The following FAR1 variants were observed in gnomAD, a reference collection of about 807,000 sequenced individuals.
FAR1 encodes male sterility domain-containing protein 2.
FAR1 carries 22 observed loss-of-function variants against 61.1 expected under a neutral mutation model. The observed-to-expected ratio is 0.36, with a 90% CI of 0.26 to 0.51. The LOEUF is 0.51. Among genes scored for constraint, FAR1 ranks in the 20% least tolerant of loss-of-function variants. The pLI is 0.95. For synonymous variants in FAR1, 206 were observed against 209.7 expected, an observed-to-expected ratio of 0.98 and a Z score of 0.15; for missense variants, 359 against 626.9, an observed-to-expected ratio of 0.57 and a Z score of 4.56.
intron 8 of FAR1, 39 bp from the exon 9 acceptor site, chr11:13,714,469 TG>T: frequency 2.6e-6 from 4 of 1,530,438 alleles, no homozygotes; most frequent in Non-Finnish European, 3.5e-6. Context: ...CTTCATTACA[TG>T]GTTATTATCA....
intron 9 of FAR1, chr11:13,720,353 G>A (rs1256832508): frequency 6.6e-6 from 1 of 152,050 alleles, no homozygotes; most frequent in African/African-American, 2.4e-5. Context: ...TGACAAACTT[G>A]TTGTATCTTT....
At chr11:13,688,226 C>G (rs375748798) in intron 1 of FAR1, among the ~76,000 whole-genome samples, 1 of 145,302 alleles carries the variant, frequency 6.9e-6, no homozygotes, top group Non-Finnish European at 1.5e-5. Context: ...TGGCATTATG[C>G]TAAGTTGTGG....
intron 1 of FAR1, chr11:13,670,039 T>C (rs1565335721): frequency 6.6e-6 from 1 of 152,152 alleles, no homozygotes; most frequent in East Asian, 1.9e-4. Context: ...AATTAACGTA[T>C]AAGTACAATC....
intron 7 of FAR1, among the ~76,000 whole-genome samples, chr11:13,712,307 C>A (rs1212587903): frequency 6.7e-6 from 1 of 150,196 alleles, no homozygotes; most frequent in Non-Finnish European, 1.5e-5. Context: ...AAAAAAAATA[C>A]CCTCCCCTAA....
chr11:13,682,108 T>C (rs11022933), intron 1 of FAR1, among the ~76,000 whole-genome samples: 6,421 of 152,302 alleles, frequency 0.042, 154 homozygotes, highest in African/African-American at 0.052. Context: ...ATAGGTCATG[T>C]CATCCTTTTG....
intron 10 of FAR1, among the ~76,000 whole-genome samples, chr11:13,723,064 C>T (rs1164667376): frequency 6.6e-6 from 1 of 151,894 alleles, no homozygotes; most frequent in East Asian, 1.9e-4. Flanking sequence ...AACATGATTT[C>T]AGCACGTTAA....
Position 13,732,076 on chromosome 11 carries a change from A to G in FAR1, c.*3302A>G, listed in dbSNP as rs1401416303. The G allele has an allele frequency of 1.3e-5, 2 of 152,156 alleles. No individual in the cohort carries two copies. The highest frequency in any genetic ancestry group is 4.1e-4 in the South Asian group (2 of 4,832). The allele number at this position is 152,156 out of a possible 1,614,324, so 9.4% of individuals were successfully genotyped here. On this transcript the variant is annotated 3_prime_UTR_variant, in exon 12 of 12. Transcript: ENST00000354817. ...TTTGCATGAGAAACTAGAAAAAGGA[A>G]TGTATGCCACGTAACTGGATTACAG...
At chr11:13,678,254 T>G (rs1848088356) in intron 1 of FAR1, among the ~76,000 whole-genome samples, 1 of 152,170 alleles carries the variant, frequency 6.6e-6, no homozygotes, top group African/African-American at 2.4e-5. Context: ...CTTTATGGAT[T>G]AAAGGAAGGT....
intron 9 of FAR1, among the ~76,000 whole-genome samples, chr11:13,718,547 T>G (rs757837087): frequency 7.2e-5 from 11 of 152,234 alleles, no homozygotes; most frequent in Non-Finnish European, 1.6e-4. Flanking sequence ...CTTAGAGATT[T>G]TGTTTACCAC....
chr11:13,669,827 A>T (rs1193465173), intron 1 of FAR1, among the ~76,000 whole-genome samples: 6 of 152,078 alleles, frequency 3.9e-5, no homozygotes, highest in African/African-American at 1.4e-4. Context: ...AAGTAATGGC[A>T]TACATATTGT....
rs1367183138 is a variant in FAR1, at chr11:13,716,739, ATCT to A, written c.1127+2064_1127+2066del. ...TCTTCTAGTTACAAGTGAGTCACAA[ATCT>A]TCTTAAATTTTTTTTCATATGTTCA... On this transcript the variant is annotated intron_variant, in intron 9 of 11. Coordinates refer to ENST00000354817, the MANE Select transcript of FAR1 (RefSeq NM_032228.6). 9.9e-5 allele frequency among the ~76,000 whole-genome samples: 15 copies of A among 152,248 alleles called. No homozygotes were observed. The East Asian group carries it at 1.4e-3, about 14-fold the overall frequency.
rs544233633 is a variant in FAR1 at position 13,677,012 on chromosome 11, A to G, written c.-8+8206A>G. Among the ~76,000 whole-genome samples the G allele has an allele frequency of 2.6e-5, 4 of 152,330 alleles. No homozygotes were observed. In the East Asian group the frequency reaches 7.7e-4, roughly 29 times the overall value. On this transcript the variant is annotated intron_variant, in intron 1 of 11. Coordinates refer to ENST00000354817, the MANE Select transcript of FAR1 (RefSeq NM_032228.6). Reference sequence around the variant, plus strand: ...TGCCTAAGGTCTGTTGGTTATGGCAATCCCAACAGCGTTGTTTCTCATTAC... The same window carrying G: ...TGCCTAAGGTCTGTTGGTTATGGCAGTCCCAACAGCGTTGTTTCTCATTAC...
chr11:13,686,326 T>C (rs1199863258), intron 1 of FAR1, among the ~76,000 whole-genome samples: 5 of 152,324 alleles, frequency 3.3e-5, no homozygotes, highest in Middle Eastern at 3.4e-3. Context: ...GGCTGACCCA[T>C]GGAATTTCCT....
At chr11:13,678,005 T>C (rs1014217339) in intron 1 of FAR1, among the ~76,000 whole-genome samples, 1 of 152,198 alleles carries the variant, frequency 6.6e-6, no homozygotes, top group Non-Finnish European at 1.5e-5. Context: ...GCAAGAATAA[T>C]GACAATTGAA....
chr11:13,702,185 A>G (rs775707588), intron 3 of FAR1, among the ~76,000 whole-genome samples: 7 of 152,102 alleles, frequency 4.6e-5, no homozygotes, highest in Admixed American at 1.3e-4. Flanking sequence ...TGTTATTAGG[A>G]CTATAATATG....
chr11:13,703,554 T>A (rs1848399366), intron 3 of FAR1, among the ~76,000 whole-genome samples: 1 of 152,120 alleles, frequency 6.6e-6, no homozygotes, highest in Non-Finnish European at 1.5e-5. Flanking sequence ...GTGCATATGG[T>A]CTAGAGGCGA....
In FAR1 at chr11:13,713,948, G is replaced by A. The variant is rs150258104; in HGVS notation, c.956-561G>A. Among the ~76,000 whole-genome samples the A allele has an allele frequency of 8.0e-3, 1,213 of 151,974 alleles. 11 individuals are homozygous for A. The highest frequency in any genetic ancestry group is 0.027 in the African/African-American group (1,124 of 41,494). ...AGTTTAGTAAAAGCTGAAATTGAGCGTTATATTTTAGTGACTATCTCAATA... is the reference window on the plus strand; with the variant it reads ...AGTTTAGTAAAAGCTGAAATTGAGCATTATATTTTAGTGACTATCTCAATA... On this transcript the variant is annotated intron_variant, in intron 8 of 11. Coordinates refer to ENST00000354817, the MANE Select transcript of FAR1 (RefSeq NM_032228.6).
intron 7 of FAR1, among the ~76,000 whole-genome samples, chr11:13,712,642 C>T (rs1848512792): frequency 6.6e-6 from 1 of 151,848 alleles, no homozygotes; most frequent in Non-Finnish European, 1.5e-5. Flanking sequence ...GCTAGATCCT[C>T]TGAAAATGAG....
At chr11:13,705,711 C>A (rs1052666809) in intron 3 of FAR1, among the ~76,000 whole-genome samples, 10 of 152,120 alleles carry the variant, frequency 6.6e-5, no homozygotes, top group Admixed American at 5.9e-4. Context: ...AAGAACTCAA[C>A]CCAATTATTT....
Sources: allele counts gnomAD v4.1 joint callset (sites outside exome capture counted in the v4.1 genomes callset), GRCh38; gene constraint gnomAD v4.1.1; transcripts MANE v1.5; gene names NCBI Gene and HGNC (gene_info 2026-07-23, HGNC 2026-07-21).